Variants in SGSM3 observed in about 807,000 individuals in gnomAD.
SGSM3 encodes the protein RUN and SH3 containing 3.
A neutral mutation model predicts 100.5 loss-of-function variants in SGSM3; 96 were observed. The observed-to-expected ratio is 0.96, with a 90% CI of 0.81 to 1.13. The LOEUF is 1.13. Among genes scored for constraint, SGSM3 ranks in the 50% most tolerant of loss-of-function variants. SGSM3 has a pLI of 0.00. For synonymous variants in SGSM3, 483 were observed against 422.8 expected (o/e 1.14, Z -1.75); for missense variants, 1,001 against 1,015.8 (o/e 0.99, Z 0.20).
intron 1 of SGSM3, among the ~76,000 whole-genome samples, chr22:40,389,787 C>G (rs2049090408): frequency 6.6e-6 from 1 of 150,904 alleles, no homozygotes; most frequent in Non-Finnish European, 1.5e-5. Flanking sequence ...GCCTGTAATT[C>G]CAGCTACTCG....
intron 1 of SGSM3, among the ~76,000 whole-genome samples, chr22:40,380,910 G>A (rs1300168711): frequency 6.6e-6 from 1 of 151,972 alleles, no homozygotes; most frequent in Non-Finnish European, 1.5e-5. Context: ...CCTCCAGCCT[G>A]GACAACAGAG....
At chr22:40,387,573 T>G (rs984093585) in intron 1 of SGSM3, 48 of 186,540 alleles carry the variant, frequency 2.6e-4, no homozygotes, top group Non-Finnish European at 3.3e-4. Flanking sequence ...GGAGCTTTAT[T>G]TTCCTCAAAA....
At chr22:40,371,863 A>T (rs2045566522) in intron 1 of SGSM3, among the ~76,000 whole-genome samples, 1 of 150,486 alleles carries the variant, frequency 6.6e-6, no homozygotes, top group Non-Finnish European at 1.5e-5. Context: ...CGCCCGGCTA[A>T]TTTGTGTATT....
chr22:40,405,020 G>A (rs1481286063), intron 6 of SGSM3, 121 bp from the exon 7 acceptor site: 2 of 1,345,800 alleles, frequency 1.5e-6, no homozygotes, highest in African/African-American at 3.0e-5. Flanking sequence ...AGGGAGGAGG[G>A]TGACCTTGAT....
rs767796322 is a variant in SGSM3 at position 40,408,942 on chromosome 22, T to C, written c.1912T>C (p.Ser638Pro). ...PEELLYRAVQSVNVTHDAVHA... is the reference protein window; with the variant it reads ...PEELLYRAVQPVNVTHDAVHA... ...ACGGTGCCGTTCCCAGGCTGTGCAGTCTGTGAACGTGACCCACGATGCAGT... is the reference window on the plus strand; with the variant it reads ...ACGGTGCCGTTCCCAGGCTGTGCAGCCTGTGAACGTGACCCACGATGCAGT... The change falls in exon 19 of 22, where the codon TCT becomes CCT. Residue 638 changes from serine (S) to proline (P), a missense_variant. By Grantham distance (74) the Ser-to-Pro change is moderately conservative. Transcript: ENST00000248929. 6 of 1,611,418 alleles carry C rather than the reference T, an allele frequency of 3.7e-6. No homozygotes were observed. Among genetic ancestry groups the C allele is most frequent in the Admixed American group, 1.7e-5 (1 of 59,412 alleles).
intron 1 of SGSM3, among the ~76,000 whole-genome samples, chr22:40,379,649 G>C (rs568689624): frequency 2.0e-4 from 30 of 152,224 alleles, no homozygotes; most frequent in Middle Eastern, 3.4e-3. Context: ...CTTCATGAAG[G>C]CTTTTCCATA....
Position 40,409,332 on chromosome 22 carries a change from C to T in SGSM3, c.2071C>T (p.Leu691=). ...GAAGTGGTACCAGCCCTGGTCCTTC[C>T]TGCGCAGCCCGGGCTGGGTCCAGAT... is the stretch of plus-strand genomic sequence containing the variant. ...VEKWYQPWSF[L]RSPGWVQIKC... Residue 691 remains leucine, a synonymous_variant, in exon 20 of 22, where the codon CTG becomes TTG. Coordinates refer to ENST00000248929, the MANE Select transcript of SGSM3 (RefSeq NM_015705.6). The T allele has an allele frequency of 6.2e-7, 1 of 1,612,896 alleles. No homozygotes were observed. Among genetic ancestry groups the T allele is most frequent in the Non-Finnish European group, 8.5e-7 (1 of 1,179,606 alleles).
chr22:40,391,048 G>T (rs1291001068), intron 1 of SGSM3, among the ~76,000 whole-genome samples: 2 of 152,176 alleles, frequency 1.3e-5, no homozygotes, highest in Non-Finnish European at 2.9e-5. Context: ...GTTGGGGAAG[G>T]AGGTAGGGGA....
chr22:40,389,600 G>GAAAA (rs71326802), intron 1 of SGSM3, among the ~76,000 whole-genome samples: 3 of 33,642 alleles, frequency 8.9e-5, no homozygotes, highest in African/African-American at 1.3e-4. Context: ...CTCCGTCTCA[G>GAAAA]AAAAAAAAAA....
chr22:40,406,262 C>A (rs1040304246), intron 9 of SGSM3, 39 bp downstream of exon 9: 1 of 1,610,300 alleles, frequency 6.2e-7, no homozygotes, highest in Non-Finnish European at 8.5e-7. Flanking sequence ...GAGTAGGCAC[C>A]CGAGATGGGG....
Position 40,409,852 on chromosome 22 carries a change from G to GGGAAGA in SGSM3, c.*94_*95insGAAGAG. ...CAGGGAAGAGCAGCTCCAGAGCCCT[G>GGGAAGA]GCCGGGGCCGCGGGATATCAATATC... On this transcript the variant is annotated 3_prime_UTR_variant, in exon 22 of 22. Transcript: ENST00000248929. 6.6e-7 allele frequency: 1 copy of GGGAAGA among 1,507,894 alleles called. No individual in the cohort carries two copies. Among genetic ancestry groups the GGGAAGA allele is most frequent in the East Asian group, 2.3e-5 (1 of 43,004 alleles). 93.4% of individuals were successfully genotyped at this position (1,507,894 alleles called of 1,614,324 possible). A position where few individuals can be genotyped will look rare whatever the true frequency, so the allele number is the denominator to read the frequency against.
rs577845364 is a variant in SGSM3 at position 40,410,077 on chromosome 22, T to G, written c.*318T>G. ...GCTAGTAGGCTCCTGGCCTCTTTGG[T>G]TTATAAATAAACTGTGTCTGTCTTT... On this transcript the variant is annotated 3_prime_UTR_variant, in exon 22 of 22. Transcript: ENST00000248929. The G allele has an allele frequency of 8.1e-7, 1 of 1,241,576 alleles. No individual in the cohort carries two copies. The highest frequency in any genetic ancestry group is 3.6e-5 in the East Asian group (1 of 27,912). The allele number at this position is 1,241,576 out of a possible 1,614,324, so 76.9% of individuals were successfully genotyped here. A position where few individuals can be genotyped will look rare whatever the true frequency, so the allele number is the denominator to read the frequency against.
chr22:40,408,997 C>A lies in SGSM3; in HGVS notation c.1967C>A (p.Ser656Ter). Residue 656 changes from serine to a stop codon, truncating the protein, a stop_gained, in exon 19 of 22, where the codon TCA (serine) becomes TAA (stop). Coordinates refer to ENST00000248929, the MANE Select transcript of SGSM3 (RefSeq NM_015705.6). LOFTEE classifies it high-confidence loss of function. ...VHAQMDVKLR[S>*]LICVGLNEQV... ...GCACAAATGGATGTGAAGCTCCGCT[C>A]ACTGATCTGCGTGGGGCTCAAGTGA... 1 of 1,575,050 alleles carries A rather than the reference C, an allele frequency of 6.3e-7. No homozygotes were observed. Among genetic ancestry groups the A allele is most frequent in the South Asian group, 1.1e-5 (1 of 87,190 alleles).
At chr22:40,400,872 G>A in intron 2 of SGSM3, 59 bp downstream of exon 2, 1 of 1,474,024 alleles carries the variant, frequency 6.8e-7, no homozygotes, top group Non-Finnish European at 9.0e-7. Context: ...GGAGCCAGAG[G>A]GATGGAAGGT....
chr22:40,403,280 A>G (rs935795724), intron 4 of SGSM3, among the ~76,000 whole-genome samples: 41 of 152,212 alleles, frequency 2.7e-4, no homozygotes, highest in Admixed American at 1.3e-4. Flanking sequence ...TTGGGTGAAT[A>G]AGGACGAGGC....
chr22:40,404,166 T>A, intron 4 of SGSM3, 81 bp from the exon 5 acceptor site: 4 of 1,232,628 alleles, frequency 3.2e-6, no homozygotes, highest in Non-Finnish European at 4.5e-6. Flanking sequence ...GCTCAGACCC[T>A]CCTGAAGACG....
chr22:40,392,157 C>T (rs566992844), intron 1 of SGSM3, among the ~76,000 whole-genome samples: 4 of 151,882 alleles, frequency 2.6e-5, no homozygotes, highest in African/African-American at 9.7e-5. Flanking sequence ...TTTATTTCGC[C>T]TTAAAAACAA....
chr22:40,406,726 G>A lies in SGSM3; in HGVS notation c.1185+64G>A, dbSNP rs1294765277. 10 of 1,390,208 alleles carry A rather than the reference G, an allele frequency of 7.2e-6. No homozygotes were observed. The South Asian group carries it at 1.2e-4, about 17-fold the overall frequency. The allele number at this position is 1,390,208 out of a possible 1,614,324, so 86.1% of individuals were successfully genotyped here. A position where few individuals can be genotyped will look rare whatever the true frequency, so the allele number is the denominator to read the frequency against. On this transcript the variant is annotated intron_variant, in intron 10 of 21. Transcript: ENST00000248929. Reference sequence around the variant, plus strand: ...CACGGGGAGGAGGGGTCACCTTGAAGTTCAGAGCGCGGGGGCTGCGGAAAA... The same window carrying A: ...CACGGGGAGGAGGGGTCACCTTGAAATTCAGAGCGCGGGGGCTGCGGAAAA...
At position 40,402,014 on chromosome 22, in the gene SGSM3, A is replaced by C. The variant is rs1238622064; in HGVS notation, c.91-125A>C. The C allele has an allele frequency of 9.0e-4, 640 of 714,706 alleles. 2 individuals carry two copies. Among genetic ancestry groups the C allele is most frequent in the Non-Finnish European group, 1.7e-4 (67 of 405,068 alleles). The allele number at this position is 714,706 out of a possible 1,614,324, so 44.3% of individuals were successfully genotyped here. On this transcript the variant is annotated intron_variant, in intron 3 of 21. Transcript: ENST00000248929. ...AACCAGAGGCGGCTTTTGGAAGAGT[A>C]GCCTTTGATCTGAGCCCGAAGGCTG...
Sources: allele counts gnomAD v4.1 joint callset (sites outside exome capture counted in the v4.1 genomes callset), GRCh38; gene constraint gnomAD v4.1.1; transcripts MANE v1.5; gene names NCBI Gene and HGNC (gene_info 2026-07-23, HGNC 2026-07-21).